The following SSBP3 variants were observed in gnomAD, a reference collection of about 807,000 sequenced individuals.
The protein encoded by SSBP3 is single stranded DNA binding protein 3, also known as single-stranded DNA-binding protein 3.
In SSBP3, 5 loss-of-function variants were observed where a neutral mutation model predicts 69.6. The observed-to-expected ratio is 0.07, with a 90% CI of 0.04 to 0.15. SSBP3 has a LOEUF of 0.15. Among genes scored for constraint, SSBP3 ranks in the 10% least tolerant of loss-of-function variants. The probability of loss-of-function intolerance (pLI) is 1.00; values close to 1 mark genes in which losing one functional copy is unlikely to be tolerated. For synonymous variants in SSBP3, 196 were observed against 193.4 expected (o/e 1.01, Z -0.11); for missense variants, 312 against 534.0 (o/e 0.58, Z 4.10).
intron 4 of SSBP3, among the ~76,000 whole-genome samples, chr1:54,382,116 C>G (rs1001268911): frequency 6.6e-6 from 1 of 151,954 alleles, no homozygotes; most frequent in Admixed American, 6.6e-5. Flanking sequence ...ATTGCTTGAA[C>G]CCAGGAGGCA....
chr1:54,228,318 T>C, exon 17 of SSBP3: 1 of 1,613,990 alleles, frequency 6.2e-7, no homozygotes, highest in Non-Finnish European at 8.5e-7. Flanking sequence ...GAGGGGTGCC[T>C]GGAGGATTGC....
intron 4 of SSBP3, among the ~76,000 whole-genome samples, chr1:54,341,785 A>G (rs2100526514): frequency 6.6e-6 from 1 of 151,920 alleles, no homozygotes; most frequent in South Asian, 2.1e-4. Flanking sequence ...CGGGCCGGAC[A>G]GGGTCCCTAG....
intron 5 of SSBP3, among the ~76,000 whole-genome samples, chr1:54,276,745 T>C (rs1027522468): frequency 1.3e-5 from 2 of 151,678 alleles, no homozygotes; most frequent in African/African-American, 4.8e-5. Flanking sequence ...GCCAAGACAT[T>C]ATCCAGCCCA....
chr1:54,341,696 T>TA (rs1301634543), intron 4 of SSBP3, among the ~76,000 whole-genome samples: 2 of 148,988 alleles, frequency 1.3e-5, no homozygotes, highest in African/African-American at 2.5e-5. Context: ...CCCTAAAACT[T>TA]AAAGTATAAT....
intron 4 of SSBP3, among the ~76,000 whole-genome samples, chr1:54,316,300 G>A (rs185123076): frequency 7.2e-4 from 109 of 151,102 alleles, no homozygotes; most frequent in African/African-American, 2.3e-3. Context: ...CCAAGATCGC[G>A]CCACCGCACT....
intron 10 of SSBP3, 43 bp downstream of exon 10, chr1:54,243,192 A>C (rs1221191283): frequency 1.9e-6 from 3 of 1,586,492 alleles, no homozygotes; most frequent in South Asian, 1.1e-5. Flanking sequence ...GGGTGGGGGA[A>C]GACCTGGACT....
At chr1:54,241,498 G>C (rs1030067687) in exon 12 of SSBP3, 11 of 1,614,116 alleles carry the variant, frequency 6.8e-6, no homozygotes, top group Middle Eastern at 1.7e-4. Flanking sequence ...GTGATGAGGA[G>C]GAGTATGGAA....
chr1:54,233,807 T>A (rs1450224056), intron 14 of SSBP3, among the ~76,000 whole-genome samples: 3 of 150,626 alleles, frequency 2.0e-5, no homozygotes, highest in African/African-American at 7.4e-5. Context: ...GTCCGGGAGG[T>A]GAGGGGCGCC....
Position 54,404,646 on chromosome 1 carries a change from G to T in SSBP3, c.130-9C>A, listed in dbSNP as rs755354174. The stretch of plus-strand genomic sequence containing the variant: ...TTTTTTTCCCATCGAATCTGGAAAG[G>T]TAAGAGCAGAAGCAGCTTAGAGGAG... On this transcript the variant is annotated splice_polypyrimidine_tract_variant and intron_variant, in intron 2 of 17. Coordinates refer to ENST00000610401, the Ensembl canonical transcript of SSBP3. 6 of 1,613,950 alleles carry T rather than the reference G, an allele frequency of 3.7e-6. No homozygotes were observed. The highest frequency in any genetic ancestry group is 5.1e-6 in the Non-Finnish European group (6 of 1,179,858).
chr1:54,306,837 G>C (rs1411154983), intron 4 of SSBP3, among the ~76,000 whole-genome samples: 1 of 152,104 alleles, frequency 6.6e-6, no homozygotes, highest in African/African-American at 2.4e-5. Context: ...GCACTTCACA[G>C]AGCAGGAAAC....
At chr1:54,354,583 AAC>A (rs1557558406) in intron 4 of SSBP3, among the ~76,000 whole-genome samples, 1 of 152,102 alleles carries the variant, frequency 6.6e-6, no homozygotes. Context: ...CTGGGCCTCT[AAC>A]ACACAGACCT....
At chr1:54,308,460 G>C (rs1294583744) in intron 4 of SSBP3, among the ~76,000 whole-genome samples, 2 of 152,158 alleles carry the variant, frequency 1.3e-5, no homozygotes, top group Non-Finnish European at 2.9e-5. Flanking sequence ...AATTAGCCAG[G>C]CGCGGTGGCG....
At chr1:54,240,117 C>CGTGT (rs1557449214) in intron 13 of SSBP3, among the ~76,000 whole-genome samples, 1 of 2,628 alleles carries the variant, frequency 3.8e-4, no homozygotes, top group Admixed American at 5.7e-3. Flanking sequence ...TGCGCGCGCG[C>CGTGT]GCGCAACACA....
chr1:54,258,008 G>T lies in SSBP3; in HGVS notation c.447+61C>A. The T allele has an allele frequency of 6.7e-7, 1 of 1,492,942 alleles. No individual in the cohort carries two copies. The highest frequency in any genetic ancestry group is 9.1e-7 in the Non-Finnish European group (1 of 1,103,218). 92.5% of individuals were successfully genotyped at this position (1,492,942 alleles called of 1,614,324 possible). ...TTTTGATTTTTGTTTTTCCTCTGCG[G>T]GCTCTCTGCTTCCTCCGCGCCCCGC... On this transcript the variant is annotated intron_variant, in intron 6 of 17. Coordinates refer to ENST00000610401, the Ensembl canonical transcript of SSBP3. The surrounding 1 kb of genome is among the most constrained non-coding windows in gnomAD (Gnocchi z 4.5).
chr1:54,324,733 T>A (rs1646271212), intron 4 of SSBP3, among the ~76,000 whole-genome samples: 1 of 152,218 alleles, frequency 6.6e-6, no homozygotes, highest in Non-Finnish European at 1.5e-5. Flanking sequence ...TATATCCTGC[T>A]TGAAATTTTT....
At chr1:54,290,982 C>T (rs1645595241) in intron 4 of SSBP3, among the ~76,000 whole-genome samples, 1 of 152,160 alleles carries the variant, frequency 6.6e-6, no homozygotes, top group African/African-American at 2.4e-5. Context: ...TACTTACAAC[C>T]ACAAACATGT....
chr1:54,243,603 T>C (rs558390234), intron 9 of SSBP3, among the ~76,000 whole-genome samples: 31 of 152,266 alleles, frequency 2.0e-4, no homozygotes, highest in African/African-American at 7.5e-4. Flanking sequence ...TCCCATGATG[T>C]CATCCTGTAC....
At chr1:54,328,637 G>C (rs4926629) in intron 4 of SSBP3, among the ~76,000 whole-genome samples, 44,031 of 152,098 alleles carry the variant, frequency 0.29, 9,411 homozygotes, top group African/African-American at 0.58. Flanking sequence ...CTTGAAAAAC[G>C]CTGGGGTTCC....
intron 4 of SSBP3, among the ~76,000 whole-genome samples, chr1:54,373,348 C>G (rs114151684): frequency 6.6e-6 from 1 of 152,132 alleles, no homozygotes; most frequent in Non-Finnish European, 1.5e-5. Flanking sequence ...CTATAAAAAG[C>G]GAGTGCCACC....
Sources: gnomAD v4.1 joint callset for allele counts (sites outside exome capture counted in the v4.1 genomes callset) on GRCh38, gnomAD v4.1.1 for gene constraint, Gnocchi (gnomAD v3.1) non-coding constraint, MANE v1.5 for transcripts, NCBI Gene and HGNC (gene_info 2026-07-23, HGNC 2026-07-21) for gene names.